Variants in SGCZ observed in about 807,000 individuals in gnomAD.
SGCZ encodes sarcoglycan zeta.
SGCZ carries 40 observed loss-of-function variants against 41.3 expected under a neutral mutation model. The ratio of observed to expected loss-of-function variants is 0.97; its 90% CI spans 0.75 to 1.26. SGCZ has a LOEUF of 1.26. SGCZ is among the 50% of genes most tolerant of loss of function. The pLI is 0.00. For synonymous variants in SGCZ, 206 were observed against 137.5 expected (o/e 1.50, Z -3.49); for missense variants, 552 against 369.8 (o/e 1.49, Z -4.04).
intron 1 of SGCZ, among the ~76,000 whole-genome samples, chr8:14,576,199 G>A (rs1257913599): frequency 6.6e-6 from 1 of 152,130 alleles, no homozygotes; most frequent in African/African-American, 2.4e-5. Context: ...AATCTCCCAA[G>A]GTTTTGTGGT....
intron 4 of SGCZ, among the ~76,000 whole-genome samples, chr8:14,214,829 C>G (rs963761914): frequency 2.6e-5 from 4 of 151,920 alleles, no homozygotes; most frequent in Non-Finnish European, 5.9e-5. Context: ...AAATCATAAG[C>G]AGGTATGCAC....
intron 1 of SGCZ, among the ~76,000 whole-genome samples, chr8:15,086,301 C>T (rs990206901): frequency 6.6e-6 from 1 of 152,128 alleles, no homozygotes; most frequent in African/African-American, 2.4e-5. Flanking sequence ...AAAACTACAA[C>T]GTGGTTGCTA....
rs1299385092 is a variant in SGCZ at position 15,218,650 on chromosome 8, CAT to C, written c.39+18933_39+18934del. The stretch of plus-strand genomic sequence containing the variant: ...TCAGCTTTTCTTCCTAGTGTACCCA[CAT>C]GAGTACACTCGTTTTTTTACAGCCC... On this transcript the variant is annotated intron_variant, in intron 1 of 7. Coordinates refer to ENST00000382080, the MANE Select transcript of SGCZ (RefSeq NM_139167.4). Among the ~76,000 whole-genome samples, 9 of 152,318 alleles carry C rather than the reference CAT, an allele frequency of 5.9e-5. No homozygotes were observed. The South Asian group carries it at 1.7e-3, about 28-fold the overall frequency.
chr8:14,740,459 C>A (rs1799168067), intron 1 of SGCZ, among the ~76,000 whole-genome samples: 1 of 151,992 alleles, frequency 6.6e-6, no homozygotes, highest in Non-Finnish European at 1.5e-5. Flanking sequence ...TAAGATAATG[C>A]TGCCTATCTT....
chr8:14,698,615 A>ATG, intron 1 of SGCZ, among the ~76,000 whole-genome samples: 1 of 152,028 alleles, frequency 6.6e-6, no homozygotes, highest in African/African-American at 2.4e-5. Context: ...TGTTTTCTGC[A>ATG]TTTAGCATAT....
chr8:14,634,983 T>G (rs543946741), intron 1 of SGCZ, among the ~76,000 whole-genome samples: 6 of 151,930 alleles, frequency 3.9e-5, no homozygotes, highest in South Asian at 2.1e-4. Flanking sequence ...AATGATTCTT[T>G]GGAGGGGTAA....
intron 1 of SGCZ, among the ~76,000 whole-genome samples, chr8:15,174,885 C>T (rs1799951252): frequency 6.6e-6 from 1 of 152,086 alleles, no homozygotes; most frequent in Non-Finnish European, 1.5e-5. Flanking sequence ...GTAATGCTTA[C>T]ACACTGTTGG....
At chr8:14,927,610 G>A (rs1799797726) in intron 1 of SGCZ, among the ~76,000 whole-genome samples, 1 of 152,136 alleles carries the variant, frequency 6.6e-6, no homozygotes, top group Admixed American at 6.5e-5. Context: ...CAAGGAGGAA[G>A]GAGGCAGAGA....
At chr8:14,899,478 A>C (rs1458207599) in intron 1 of SGCZ, among the ~76,000 whole-genome samples, 2 of 152,216 alleles carry the variant, frequency 1.3e-5, no homozygotes, top group Non-Finnish European at 2.9e-5. Flanking sequence ...AAGGTGCTAC[A>C]AAGTTGCTAA....
At chr8:14,756,885 G>C (rs1026236051) in intron 1 of SGCZ, among the ~76,000 whole-genome samples, 10 of 152,094 alleles carry the variant, frequency 6.6e-5, no homozygotes, top group Non-Finnish European at 1.2e-4. Flanking sequence ...ACAGTGGTAA[G>C]TATCACACTC....
chr8:14,226,082 A>G (rs1337154607), intron 4 of SGCZ, among the ~76,000 whole-genome samples: 1 of 152,078 alleles, frequency 6.6e-6, no homozygotes, highest in Non-Finnish European at 1.5e-5. Flanking sequence ...CCATGTGTCA[A>G]GCAGGGTTAT....
Position 14,591,090 on chromosome 8 carries a change from G to C in SGCZ, c.40-36164C>G, listed in dbSNP as rs376752820. ...AAATAATAAATGAGAAACAGGACAAGAGACCAGAGTCATCTAATAAATCTT... is the reference window on the plus strand; with the variant it reads ...AAATAATAAATGAGAAACAGGACAACAGACCAGAGTCATCTAATAAATCTT... On this transcript the variant is annotated intron_variant, in intron 1 of 7. Coordinates refer to ENST00000382080, the MANE Select transcript of SGCZ (RefSeq NM_139167.4). Among the ~76,000 whole-genome samples, 58 of 151,274 alleles carry C rather than the reference G, an allele frequency of 3.8e-4. No individual in the cohort carries two copies. The East Asian group carries it at 7.7e-3, about 20-fold the overall frequency.
chr8:14,174,875 ACTT>A (rs1042405886), intron 4 of SGCZ, among the ~76,000 whole-genome samples: 22 of 152,194 alleles, frequency 1.4e-4, no homozygotes, highest in African/African-American at 4.1e-4. Context: ...TTTGTTCTGG[ACTT>A]CTTTTCTTCC....
intron 1 of SGCZ, among the ~76,000 whole-genome samples, chr8:14,674,661 T>C (rs573964505): frequency 6.6e-6 from 1 of 152,228 alleles, no homozygotes; most frequent in East Asian, 1.9e-4. Flanking sequence ...GGGAGGTGAT[T>C]GTGGATCATG....
intron 1 of SGCZ, among the ~76,000 whole-genome samples, chr8:15,029,395 T>G (rs1004705797): frequency 6.6e-6 from 1 of 152,182 alleles, no homozygotes; most frequent in African/African-American, 2.4e-5. Context: ...TTCTGTGGAC[T>G]TTTTACTGGA....
At chr8:14,225,714 T>A (rs146741476) in intron 4 of SGCZ, among the ~76,000 whole-genome samples, 1 of 152,114 alleles carries the variant, frequency 6.6e-6, no homozygotes, top group Non-Finnish European at 1.5e-5. Flanking sequence ...ATAACAGATA[T>A]AGGTGACATA....
At chr8:14,777,992 C>G (rs559512207) in intron 1 of SGCZ, among the ~76,000 whole-genome samples, 1 of 151,992 alleles carries the variant, frequency 6.6e-6, no homozygotes, top group South Asian at 2.1e-4. Context: ...GGCATGATCT[C>G]AGCTCACTGT....
intron 1 of SGCZ, among the ~76,000 whole-genome samples, chr8:14,825,890 T>C (rs1439903539): frequency 6.6e-6 from 1 of 152,236 alleles, no homozygotes; most frequent in African/African-American, 2.4e-5. Context: ...TTTTCTTCCA[T>C]TTTATGTCTG....
chr8:14,573,640 TTC>T, intron 1 of SGCZ, among the ~76,000 whole-genome samples: 1 of 152,308 alleles, frequency 6.6e-6, no homozygotes, highest in Admixed American at 6.5e-5. Context: ...ATCTTTTCTG[TTC>T]TCTTATGGCA....
Sources: gnomAD v4.1 joint callset for allele counts (sites outside exome capture counted in the v4.1 genomes callset) on GRCh38, gnomAD v4.1.1 for gene constraint, MANE v1.5 for transcripts, NCBI Gene and HGNC (gene_info 2026-07-23, HGNC 2026-07-21) for gene names.